Variants in SLC39A10 observed in about 807,000 individuals in gnomAD.
SLC39A10 encodes the protein zinc transporter ZIP10.
In SLC39A10, 13 loss-of-function variants were observed where a neutral mutation model predicts 65.1. The ratio of observed to expected loss-of-function variants is 0.20; its 90% CI spans 0.13 to 0.32. SLC39A10 has a LOEUF of 0.32. SLC39A10 is among the 10% of genes least tolerant of loss of function. The pLI is 1.00. For synonymous variants in SLC39A10, 321 were observed against 342.2 expected, an observed-to-expected ratio of 0.94 and a Z score of 0.68; for missense variants, 831 against 1,018.4, an observed-to-expected ratio of 0.82 and a Z score of 2.50.
intron 2 of SLC39A10, among the ~76,000 whole-genome samples, chr2:195,638,183 G>A (rs1688730788): frequency 6.6e-6 from 1 of 152,016 alleles, no homozygotes; most frequent in East Asian, 1.9e-4. Flanking sequence ...AATAGAGACG[G>A]GACCTTGCTA....
chr2:195,726,940 T>C (rs1000543319), intron 8 of SLC39A10, among the ~76,000 whole-genome samples: 7 of 152,230 alleles, frequency 4.6e-5, no homozygotes, highest in African/African-American at 1.2e-4. Flanking sequence ...AAAATTATTA[T>C]AGTATGTAAA....
chr2:195,719,127 G>A (rs11684771), intron 8 of SLC39A10, among the ~76,000 whole-genome samples: 4,216 of 150,118 alleles, frequency 0.028, 78 homozygotes, highest in Non-Finnish European at 0.042. Context: ...TATTATGTTG[G>A]ACTTCATTCT....
intron 1 of SLC39A10, among the ~76,000 whole-genome samples, chr2:195,675,265 T>C (rs1401342738): frequency 6.6e-6 from 1 of 152,214 alleles, no homozygotes; most frequent in Non-Finnish European, 1.5e-5. Flanking sequence ...CAAGGTTATC[T>C]TGGGACTCTG....
intron 9 of SLC39A10, among the ~76,000 whole-genome samples, chr2:195,732,866 A>G (rs1403908697): frequency 1.3e-5 from 2 of 152,104 alleles, no homozygotes; most frequent in African/African-American, 2.4e-5. Flanking sequence ...CAATGTGTAA[A>G]TGAATAGGCA....
rs1003617705 is a variant in SLC39A10, at chr2:195,684,954, C to T, written c.1216+1048C>T. ...CGCAGACACTGTTCTAAGCTGAATTCATTTACTCCTCACAACACTTTTATG... is the reference window on the plus strand; with the variant it reads ...CGCAGACACTGTTCTAAGCTGAATTTATTTACTCCTCACAACACTTTTATG... On this transcript the variant is annotated intron_variant, in intron 3 of 9. Transcript: ENST00000359634. Among the ~76,000 whole-genome samples the T allele has an allele frequency of 2.6e-5, 4 of 152,140 alleles. No homozygotes were observed. In the South Asian group the frequency reaches 8.3e-4, roughly 31 times the overall value.
rs547480194 is a variant in SLC39A10, at chr2:195,659,300, T to C, written c.-12+2019T>C. Among the ~76,000 whole-genome samples the C allele has an allele frequency of 2.6e-4, 40 of 152,312 alleles. 1 individual carries two copies. Among genetic ancestry groups the C allele is most frequent in the African/African-American group, 9.6e-4 (40 of 41,560 alleles). ...ATCAATAATAGATTGCATGATAACC[T>C]ATACTAGTTCTTACTGTTACCAATT... On this transcript the variant is annotated intron_variant, in intron 1 of 9. Transcript: ENST00000359634.
intron 2 of SLC39A10, among the ~76,000 whole-genome samples, chr2:195,614,952 G>C (rs1688174156): frequency 6.6e-6 from 1 of 152,110 alleles, no homozygotes; most frequent in African/African-American, 2.4e-5. Flanking sequence ...TCGAGAGGCT[G>C]AGGTGGAAGG....
rs759012458 is a variant in SLC39A10 at position 195,625,216 on chromosome 2, CA to C, written c.-12+18992del. On this transcript the variant is annotated intron_variant, in intron 2 of 2. Transcript: ENST00000458054. ...TGTGCGACAGAGGGACACTCTGTCTCAAAAAAAAAGAAAGAAAGAAAGAAAG... is the reference window on the plus strand; with the variant it reads ...TGTGCGACAGAGGGACACTCTGTCTCAAAAAAAAGAAAGAAAGAAAGAAAG... Among the ~76,000 whole-genome samples the C allele has an allele frequency of 7.3e-4, 79 of 108,554 alleles. 3 individuals are homozygous for C. The East Asian group carries it at 0.019, about 26-fold the overall frequency. The allele number at this position is 108,554 out of a possible 152,430, so 71.2% of individuals were successfully genotyped here.
intron 1 of SLC39A10, chr2:195,674,623 C>T (rs999502516): frequency 2.0e-6 from 2 of 985,166 alleles, no homozygotes; most frequent in African/African-American, 1.7e-5. Context: ...TCTTATTCCC[C>T]CATGTTCTGT....
At chr2:195,617,896 C>T (rs945793083) in intron 2 of SLC39A10, among the ~76,000 whole-genome samples, 2 of 150,898 alleles carry the variant, frequency 1.3e-5, no homozygotes, top group Admixed American at 6.6e-5. Context: ...CCCGCCACCA[C>T]GCCCGGCTAA....
chr2:195,710,324 T>G (rs12328677), intron 5 of SLC39A10, among the ~76,000 whole-genome samples: 78,551 of 152,014 alleles, frequency 0.52, 20,993 homozygotes, highest in Non-Finnish European at 0.6. Context: ...ATATTCTGTT[T>G]AAGTAAAGCT....
intron 2 of SLC39A10, among the ~76,000 whole-genome samples, chr2:195,635,268 T>A: frequency 6.6e-6 from 1 of 152,188 alleles, no homozygotes; most frequent in East Asian, 1.9e-4. Context: ...GAAGAACCTT[T>A]CCTGGAGGCC....
At chr2:195,693,289 TTTTG>T (rs1690813377) in intron 3 of SLC39A10, among the ~76,000 whole-genome samples, 2 of 152,214 alleles carry the variant, frequency 1.3e-5, no homozygotes, top group South Asian at 4.1e-4. Context: ...AGTTTTCTTT[TTTTG>T]TTATGTCCTT....
rs1553509305 is a variant in SLC39A10, at chr2:195,736,885, T to TATCTATCTA, written c.*1845_*1853dup. 1.3e-5 allele frequency: 2 copies of TATCTATCTA among 152,538 alleles called. No homozygotes were observed. Among genetic ancestry groups the TATCTATCTA allele is most frequent in the Non-Finnish European group, 2.9e-5 (2 of 68,006 alleles). 9.4% of individuals were successfully genotyped at this position (152,538 alleles called of 1,614,324 possible). A position where few individuals can be genotyped will look rare whatever the true frequency, so the allele number is the denominator to read the frequency against. The stretch of plus-strand genomic sequence containing the variant: ...GCCAACTTCAAGTGATTTAGATATC[T>TATCTATCTA]ATCTATCTAGATTTCTGAACCAAGA... On this transcript the variant is annotated 3_prime_UTR_variant, in exon 10 of 10. Transcript: ENST00000359634.
In SLC39A10 at chr2:195,718,740, A is replaced by G. The variant is rs2105830003; in HGVS notation, c.2146+408A>G. Among the ~76,000 whole-genome samples the G allele has an allele frequency of 1.3e-5, 2 of 152,272 alleles. 1 individual carries two copies. ...TAATTACATAATTGAAAGTTGTCCT[A>G]GATGTACCTAAGGCAGTCTTTCTTC... On this transcript the variant is annotated intron_variant, in intron 8 of 9. Coordinates refer to ENST00000359634, the MANE Select transcript of SLC39A10 (RefSeq NM_020342.3).
At chr2:195,691,469 T>G (rs1690736591) in intron 3 of SLC39A10, among the ~76,000 whole-genome samples, 1 of 152,248 alleles carries the variant, frequency 6.6e-6, no homozygotes, top group Admixed American at 6.5e-5. Context: ...TGTACTAGTT[T>G]ACATTCCCAC....
chr2:195,733,823 G>A (rs570774235), intron 9 of SLC39A10, among the ~76,000 whole-genome samples: 1 of 152,264 alleles, frequency 6.6e-6, no homozygotes, highest in African/African-American at 2.4e-5. Flanking sequence ...GAGCCACAAC[G>A]CCCAGCCATA....
intron 1 of SLC39A10, among the ~76,000 whole-genome samples, chr2:195,669,323 T>C (rs1350264574): frequency 6.6e-6 from 1 of 152,138 alleles, no homozygotes; most frequent in Non-Finnish European, 1.5e-5. Flanking sequence ...AGTGTTCTGG[T>C]TTCAAGATAC....
chr2:195,674,178 G>A (rs956617291), intron 1 of SLC39A10, among the ~76,000 whole-genome samples: 1 of 152,176 alleles, frequency 6.6e-6, no homozygotes, highest in Non-Finnish European at 1.5e-5. Flanking sequence ...TATAACTGCA[G>A]TGTAATCTTT....
Sources: gnomAD v4.1 joint callset for allele counts (sites outside exome capture counted in the v4.1 genomes callset) on GRCh38, gnomAD v4.1.1 for gene constraint, MANE v1.5 for transcripts, NCBI Gene and HGNC (gene_info 2026-07-23, HGNC 2026-07-21) for gene names.